MROH9: variants seen among roughly 807,000 people sequenced by gnomAD.
The protein encoded by MROH9 is maestro heat like repeat family member 9.
Under a neutral mutation model 98.2 loss-of-function variants are expected in MROH9, and 92 were observed. That is an observed-to-expected ratio of 0.94 (90% CI 0.79 to 1.11). MROH9 has a LOEUF of 1.11. MROH9 is among the 50% of genes most tolerant of loss of function. The pLI is 0.00. For missense variants in MROH9, 1,057 were observed against 1,014.8 expected, an observed-to-expected ratio of 1.04 and a Z score of -0.57; for synonymous variants, 397 against 368.9, an observed-to-expected ratio of 1.08 and a Z score of -0.87.
intron 8 of MROH9, among the ~76,000 whole-genome samples, chr1:170,973,208 A>C (rs1392657030): frequency 3.3e-5 from 5 of 152,168 alleles, no homozygotes; most frequent in Non-Finnish European, 7.3e-5. Context: ...CTGAGTACTA[A>C]TGAGAACATG....
chr1:170,957,452 G>A (rs1649808782), intron 3 of MROH9, among the ~76,000 whole-genome samples: 1 of 152,046 alleles, frequency 6.6e-6, no homozygotes, highest in Admixed American at 6.5e-5. Context: ...GTGAATTCTT[G>A]TCTCCCTTAT....
intron 15 of MROH9, among the ~76,000 whole-genome samples, chr1:171,011,516 T>C (rs1436945191): frequency 7.2e-5 from 11 of 152,174 alleles, no homozygotes; most frequent in Admixed American, 7.2e-4. Context: ...TTTATATTTT[T>C]CCAGAAAATA....
chr1:170,987,744 T>C (rs1472733861), intron 10 of MROH9, among the ~76,000 whole-genome samples: 1 of 152,222 alleles, frequency 6.6e-6, no homozygotes, highest in Non-Finnish European at 1.5e-5. Flanking sequence ...GGAAACACTA[T>C]GTAAAACTAG....
In MROH9 at chr1:170,992,348, G is replaced by A. The variant is rs775961267; in HGVS notation, c.1194+19G>A. On this transcript the variant is annotated intron_variant, in intron 12 of 21. Coordinates refer to ENST00000367759, the MANE Select transcript of MROH9 (RefSeq NM_001163629.2). ...TTTGGCGGTAAATAACACGATGAGT[G>A]TTTCTTCTTCTCAGTACTGTTTTCC... 5.0e-6 allele frequency: 8 copies of A among 1,607,306 alleles called. No individual in the cohort carries two copies. The highest frequency in any genetic ancestry group is 6.8e-6 in the Non-Finnish European group (8 of 1,176,748).
intron 15 of MROH9, among the ~76,000 whole-genome samples, chr1:170,999,943 G>A (rs1435674128): frequency 1.3e-5 from 2 of 152,054 alleles, no homozygotes; most frequent in Non-Finnish European, 2.9e-5. Context: ...ATGATGTTGA[G>A]CATTTTTTCA....
chr1:170,965,032 A>C, intron 6 of MROH9, 119 bp from the exon 7 acceptor site: 1 of 616,274 alleles, frequency 1.6e-6, no homozygotes, highest in South Asian at 2.3e-5. Context: ...ATGTAGGTTA[A>C]GTGTGAAATA....
intron 20 of MROH9, among the ~76,000 whole-genome samples, chr1:171,061,677 A>G (rs1654020484): frequency 6.6e-6 from 1 of 152,222 alleles, no homozygotes; most frequent in Non-Finnish European, 1.5e-5. Flanking sequence ...ATCTCAAGAA[A>G]ACTTTATTTG....
intron 12 of MROH9, among the ~76,000 whole-genome samples, chr1:170,993,756 A>T (rs1651453853): frequency 6.6e-6 from 1 of 152,192 alleles, no homozygotes; most frequent in African/African-American, 2.4e-5. Context: ...ATAATAAAGG[A>T]CTTCAAAATA....
chr1:171,011,632 CT>C (rs1280177938), intron 15 of MROH9, among the ~76,000 whole-genome samples: 1 of 152,144 alleles, frequency 6.6e-6, no homozygotes, highest in African/African-American at 2.4e-5. Flanking sequence ...AAGCCAGGGT[CT>C]GCCATTGGAA....
intron 1 of MROH9, among the ~76,000 whole-genome samples, chr1:170,944,718 T>C (rs1187223080): frequency 6.6e-6 from 1 of 152,032 alleles, no homozygotes. Flanking sequence ...ATGAAAAAGT[T>C]CATAATCCAC....
intron 17 of MROH9, 58 bp from the exon 18 acceptor site, chr1:171,024,337 A>G (rs1652629245): frequency 1.8e-6 from 2 of 1,142,322 alleles, no homozygotes. Flanking sequence ...TGTGTAGATT[A>G]CTGATTGAAG....
At chr1:171,009,780 G>A (rs1652085383) in intron 15 of MROH9, among the ~76,000 whole-genome samples, 1 of 152,140 alleles carries the variant, frequency 6.6e-6, no homozygotes, top group African/African-American at 2.4e-5. Context: ...GCTGGTTTCA[G>A]GGGCCAAGAA....
chr1:171,001,617 T>C (rs979954275), intron 15 of MROH9, among the ~76,000 whole-genome samples: 5 of 152,162 alleles, frequency 3.3e-5, no homozygotes, highest in African/African-American at 1.2e-4. Flanking sequence ...GTGCTTGATA[T>C]AATTTCAGTT....
In MROH9 at chr1:170,957,802, T is replaced by TG. The variant is rs1553210634; in HGVS notation, c.73-659_73-658insG. 1.2e-3 allele frequency among the ~76,000 whole-genome samples: 155 copies of TG among 134,022 alleles called. 1 individual carries two copies. Among genetic ancestry groups the TG allele is most frequent in the African/African-American group, 3.7e-3 (145 of 39,416 alleles). 87.9% of individuals were successfully genotyped at this position (134,022 alleles called of 152,430 possible). A position where few individuals can be genotyped will look rare whatever the true frequency, so the allele number is the denominator to read the frequency against. On this transcript the variant is annotated intron_variant, in intron 3 of 21. Transcript: ENST00000367759. ...CCCTGCTGGCATTTTTTTGTTTTTTTTTTTTTTGTTTGTTTGTTTTTTTTG... is the reference window on the plus strand; with the variant it reads ...CCCTGCTGGCATTTTTTTGTTTTTTTGTTTTTTTGTTTGTTTGTTTTTTTTG...
chr1:170,955,540 T>C (rs995086526), intron 3 of MROH9, among the ~76,000 whole-genome samples: 1 of 152,226 alleles, frequency 6.6e-6, no homozygotes, highest in Non-Finnish European at 1.5e-5. Flanking sequence ...TATTGCATTA[T>C]AGTTTTGATT....
intron 3 of MROH9, among the ~76,000 whole-genome samples, chr1:170,952,501 C>CA (rs1649592203): frequency 6.7e-6 from 1 of 148,870 alleles, no homozygotes; most frequent in Non-Finnish European, 1.5e-5. Context: ...ATCGCAAGGA[C>CA]AAAAAACCAA....
chr1:170,969,255 CA>C (rs1435158870), intron 7 of MROH9, among the ~76,000 whole-genome samples: 4 of 152,030 alleles, frequency 2.6e-5, no homozygotes, highest in Admixed American at 2.6e-4. Flanking sequence ...AAAAAGGAAT[CA>C]AGTTGTATAC....
chr1:170,994,230 A>C (rs1293891577), intron 12 of MROH9, among the ~76,000 whole-genome samples: 2 of 152,196 alleles, frequency 1.3e-5, no homozygotes, highest in Non-Finnish European at 2.9e-5. Context: ...TCTTGTCAAA[A>C]GACTTAGGTT....
At chr1:171,002,886 C>T (rs112558367) in intron 15 of MROH9, among the ~76,000 whole-genome samples, 10,171 of 152,014 alleles carry the variant, frequency 0.067, 399 homozygotes, top group African/African-American at 0.085. Flanking sequence ...TCAGGAATAC[C>T]AATTATTCTT....
Sources: allele counts gnomAD v4.1 joint callset (sites outside exome capture counted in the v4.1 genomes callset), GRCh38; gene constraint gnomAD v4.1.1; transcripts MANE v1.5; gene names NCBI Gene and HGNC (gene_info 2026-07-23, HGNC 2026-07-21).